KANK1: variants seen among roughly 807,000 people sequenced by gnomAD.
KANK1 encodes KN motif and ankyrin repeat domain-containing protein 1.
KANK1 carries 109 observed loss-of-function variants against 106.2 expected under a neutral mutation model. The observed-to-expected ratio is 1.03, with a 90% CI of 0.88 to 1.20. KANK1 has a LOEUF of 1.20. Among genes scored for constraint, KANK1 ranks in the 50% most tolerant of loss-of-function variants. KANK1 has a pLI of 0.00. For missense variants in KANK1, 2,399 were observed against 1,710.7 expected (o/e 1.40, Z -7.10); for synonymous variants, 873 against 652.2 (o/e 1.34, Z -5.16).
At chr9:505,131 G>A (rs954312818) in intron 1 of KANK1, among the ~76,000 whole-genome samples, 28 of 152,220 alleles carry the variant, frequency 1.8e-4, no homozygotes, top group Middle Eastern at 3.4e-3. Context: ...GGCTACCCCG[G>A]CCCGGCGCTC....
At chr9:511,465 T>C (rs1398605210) in intron 1 of KANK1, among the ~76,000 whole-genome samples, 1 of 152,170 alleles carries the variant, frequency 6.6e-6, no homozygotes, top group Admixed American at 6.5e-5. Context: ...TTACTAAACC[T>C]CTCTGTGTGT....
At chr9:561,680 A>T (rs1480017417) in intron 1 of KANK1, among the ~76,000 whole-genome samples, 1 of 152,242 alleles carries the variant, frequency 6.6e-6, no homozygotes, top group Admixed American at 6.5e-5. Context: ...AGATGTTGTC[A>T]TAGGATTTTG....
At chr9:665,992 C>T (rs1844472210) in intron 1 of KANK1, among the ~76,000 whole-genome samples, 1 of 151,962 alleles carries the variant, frequency 6.6e-6, no homozygotes, top group Non-Finnish European at 1.5e-5. Flanking sequence ...CCAGCCTGGG[C>T]AGCATAGTGT....
chr9:623,059 G>A (rs116994437), intron 1 of KANK1, among the ~76,000 whole-genome samples: 2 of 152,204 alleles, frequency 1.3e-5, no homozygotes, highest in African/African-American at 4.8e-5. Flanking sequence ...ATACAAGTGG[G>A]ACTACATCAA....
intron 2 of KANK1, among the ~76,000 whole-genome samples, chr9:687,229 C>T (rs762659064): frequency 2.6e-5 from 4 of 152,164 alleles, no homozygotes; most frequent in African/African-American, 4.8e-5. Flanking sequence ...GGACCAGCCC[C>T]GAGGCTGCGA....
At chr9:557,015 T>G (rs10815231) in intron 1 of KANK1, among the ~76,000 whole-genome samples, 22,942 of 152,006 alleles carry the variant, frequency 0.15, 1,902 homozygotes, top group East Asian at 0.3. Flanking sequence ...GGCATGGTAG[T>G]TACTCTAAAA....
intron 1 of KANK1, among the ~76,000 whole-genome samples, chr9:659,552 C>G (rs1015811226): frequency 6.6e-6 from 1 of 152,096 alleles, no homozygotes; most frequent in Non-Finnish European, 1.5e-5. Flanking sequence ...CTACCTGAGA[C>G]TGGGTAATTT....
chr9:519,697 C>G (rs2059458641), intron 1 of KANK1, among the ~76,000 whole-genome samples: 1 of 151,718 alleles, frequency 6.6e-6, no homozygotes, highest in African/African-American at 2.4e-5. Context: ...TAACCTCGAT[C>G]CTTGTTTTAT....
intron 1 of KANK1, among the ~76,000 whole-genome samples, chr9:561,863 CG>C (rs1314314061): frequency 6.6e-6 from 1 of 152,140 alleles, no homozygotes; most frequent in Non-Finnish European, 1.5e-5. Flanking sequence ...ATACTGCAGA[CG>C]TTTTCTGTAT....
At chr9:507,050 C>T (rs55877464) in intron 1 of KANK1, among the ~76,000 whole-genome samples, 19,771 of 151,834 alleles carry the variant, frequency 0.13, 2,149 homozygotes, top group African/African-American at 0.3. Flanking sequence ...ACTTCTCACT[C>T]ACCCTTCAAT....
rs139624364 is a variant in KANK1 at position 742,350 on chromosome 9, A to G, written c.3842A>G (p.Glu1281Gly). ...TGTGCCAGCGAGCACGGACACGTGG[A>G]GATTGTCAAGCTGCTGCTGGCCCAG... The part of the protein sequence containing the change: ...LMCASEHGHV[E>G]IVKLLLAQPG... The change falls in exon 10 of 12, where the codon GAG becomes GGG. Residue 1281 changes from glutamate (E) to glycine (G), a missense_variant. Coordinates refer to ENST00000382297, the MANE Select transcript of KANK1 (RefSeq NM_015158.5). The G allele has an allele frequency of 8.7e-5, 140 of 1,614,068 alleles. No homozygotes were observed. In the African/African-American group the frequency reaches 1.7e-3, roughly 20 times the overall value.
At chr9:542,756 T>C (rs2060682910) in intron 1 of KANK1, among the ~76,000 whole-genome samples, 1 of 152,172 alleles carries the variant, frequency 6.6e-6, no homozygotes, top group African/African-American at 2.4e-5. Context: ...TGCAGCAATA[T>C]AGATGAACCT....
At chr9:675,899 G>A (rs532846129) in intron 1 of KANK1, among the ~76,000 whole-genome samples, 1 of 152,296 alleles carries the variant, frequency 6.6e-6, no homozygotes, top group South Asian at 2.1e-4. Context: ...GCAGGAAAGG[G>A]GTGGGTAGTT....
intron 2 of KANK1, chr9:707,390 C>A: frequency 4.0e-6 from 1 of 248,460 alleles, no homozygotes; most frequent in Non-Finnish European, 6.4e-6. Flanking sequence ...TTAGACCCGC[C>A]GGCTCCCACA....
At position 730,224 on chromosome 9, in the gene KANK1, G is replaced by A. The variant is rs200396629; in HGVS notation, c.2872G>A (p.Asp958Asn). 6.4e-5 allele frequency: 103 copies of A among 1,614,144 alleles called. No individual in the cohort carries two copies. Among genetic ancestry groups the A allele is most frequent in the Middle Eastern group, 1.6e-4 (1 of 6,062 alleles). The part of the protein sequence containing the change: ...GTLSPVNLTD[D>N]QIAAGLYACT... ...GCTGTCTCCAGTGAACCTGACAGAC[G>A]ACCAGATCGCCGCTGGCCTCTATGG... Residue 958 changes from aspartate (D) to asparagine (N), a missense_variant, in exon 4 of 12, where the codon GAC (aspartate) becomes AAC (asparagine). Asp to Asn is a conservative substitution (Grantham distance 23). Transcript: ENST00000382297.
At chr9:631,687 A>G (rs552619080) in intron 1 of KANK1, among the ~76,000 whole-genome samples, 2 of 152,072 alleles carry the variant, frequency 1.3e-5, no homozygotes, top group Admixed American at 6.5e-5. Flanking sequence ...ATAAAGTCCA[A>G]CTGTTTAGCT....
chr9:550,806 T>G (rs964662492), intron 1 of KANK1, among the ~76,000 whole-genome samples: 1 of 152,154 alleles, frequency 6.6e-6, no homozygotes, highest in African/African-American at 2.4e-5. Flanking sequence ...ACAATTTCAT[T>G]TCATCCTATT....
In KANK1 at chr9:517,014, C is replaced by CACACAA. The variant is rs1488314600; in HGVS notation, c.-84+12265_-84+12266insAACACA. On this transcript the variant is annotated intron_variant, in intron 1 of 11. Transcript: ENST00000382297. ...ATCACCCTCTACACACACACACACA[C>CACACAA]ACACACACACACATCCGTCTTGTGT... is the stretch of plus-strand genomic sequence containing the variant. Among the ~76,000 whole-genome samples, 9 of 151,674 alleles carry CACACAA rather than the reference C, an allele frequency of 5.9e-5. 1 individual carries two copies. In the South Asian group the frequency reaches 1.9e-3, roughly 32 times the overall value.
intron 1 of KANK1, among the ~76,000 whole-genome samples, chr9:667,545 G>C (rs1844914862): frequency 6.6e-6 from 1 of 151,750 alleles, no homozygotes; most frequent in African/African-American, 2.4e-5. Flanking sequence ...CAACTTTTTT[G>C]ATGTAGATGT....
Sources: gnomAD v4.1 joint callset for allele counts (sites outside exome capture counted in the v4.1 genomes callset) on GRCh38, gnomAD v4.1.1 for gene constraint, MANE v1.5 for transcripts, NCBI Gene and HGNC (gene_info 2026-07-23, HGNC 2026-07-21) for gene names.